Variants in GDNF observed in about 807,000 individuals in gnomAD.
GDNF encodes glial cell line-derived neurotrophic factor.
GDNF carries 5 observed loss-of-function variants against 13.7 expected under a neutral mutation model. That is an observed-to-expected ratio of 0.36 (90% confidence interval 0.19 to 0.77). GDNF has a LOEUF of 0.77. Among genes scored for constraint, GDNF ranks in the 30% least tolerant of loss-of-function variants. The probability of loss-of-function intolerance (pLI) is 0.51; values close to 1 mark genes in which losing one functional copy is unlikely to be tolerated. For missense variants in GDNF, 246 were observed against 274.3 expected, an observed-to-expected ratio of 0.90 and a Z score of 0.73; for synonymous variants, 122 against 112.5, an observed-to-expected ratio of 1.08 and a Z score of -0.53.
Position 37,839,324 on chromosome 5 carries a change from C to T in GDNF, c.-27+183G>A, listed in dbSNP as rs1177134883. Among the ~76,000 whole-genome samples the T allele has an allele frequency of 6.6e-6, 1 of 152,196 alleles. No individual in the cohort carries two copies. Among genetic ancestry groups the T allele is most frequent in the South Asian group, 2.1e-4 (1 of 4,830 alleles). ...CCCCTCCGAAAGGCCGGCCTCTCTC[C>T]GGTTCTACTTTTCTCTCTCCTCGCA... is the stretch of plus-strand genomic sequence containing the variant. On this transcript the variant is annotated intron_variant, in intron 1 of 2. Transcript: ENST00000326524. The surrounding 1 kb of genome is among the most constrained non-coding windows in gnomAD (Gnocchi z 5.5).
rs139417981 is a variant in GDNF, at chr5:37,838,815, A to C, written c.-27+692T>G. On this transcript the variant is annotated intron_variant, in intron 1 of 2. Coordinates refer to ENST00000326524, the MANE Select transcript of GDNF (RefSeq NM_000514.4). The surrounding 1 kb of genome is among the most constrained non-coding windows in gnomAD (Gnocchi z 4.1). ...AAGGGGTCATTAAAATAATAACCTC[A>C]ATGGCCTAGTGGAGTCTCAAGAATA... is the stretch of plus-strand genomic sequence containing the variant. 6.6e-6 allele frequency among the ~76,000 whole-genome samples: 1 copy of C among 152,306 alleles called. No individual in the cohort carries two copies. The highest frequency in any genetic ancestry group is 2.4e-5 in the African/African-American group (1 of 41,574).
chr5:37,817,259 A>G (rs77820199), intron 2 of GDNF, among the ~76,000 whole-genome samples: 126 of 152,362 alleles, frequency 8.3e-4, no homozygotes, highest in African/African-American at 2.9e-3. Flanking sequence ...TCAGCAGAGA[A>G]AAATAACTAA....
intron 2 of GDNF, chr5:37,824,205 G>A (rs1750230436): frequency 5.4e-6 from 1 of 184,412 alleles, no homozygotes; most frequent in Admixed American, 6.5e-5. Context: ...AAATAGAGAT[G>A]GGCCCCATGA....
At chr5:37,826,669 G>A (rs930799935) in intron 2 of GDNF, among the ~76,000 whole-genome samples, 2 of 152,218 alleles carry the variant, frequency 1.3e-5, no homozygotes, top group African/African-American at 4.8e-5. Flanking sequence ...CCCTCTGGGG[G>A]CACAGGAAGA....
At chr5:37,824,682 A>T (rs12521946) in intron 2 of GDNF, among the ~76,000 whole-genome samples, 52,861 of 152,106 alleles carry the variant, frequency 0.35, 9,753 homozygotes, top group Middle Eastern at 0.44. Context: ...ATCTTACATT[A>T]TGTAATGACC....
Position 37,815,520 on chromosome 5 carries a change from C to CTCCTCCTCCTCT in GDNF, c.*130_*131insAGAGGAGGAGGA. 1 of 740,168 alleles carries CTCCTCCTCCTCT rather than the reference C, an allele frequency of 1.4e-6. No homozygotes were observed. The highest frequency in any genetic ancestry group is 2.3e-6 in the Non-Finnish European group (1 of 439,362). 45.9% of individuals were successfully genotyped at this position (740,168 alleles called of 1,614,324 possible). ...CCTCCTCCTCCTCCTCCTCCTCCTCCTCTTCTTCTTCCTCCTCCTCCGCCT... is the reference window on the plus strand; with the variant it reads ...CCTCCTCCTCCTCCTCCTCCTCCTCCTCCTCCTCCTCTTCTTCTTCTTCCTCCTCCTCCGCCT... On this transcript the variant is annotated 3_prime_UTR_variant, in exon 3 of 3. Transcript: ENST00000326524. This position sits in a 1 kb window ranked among gnomAD's most constrained non-coding sequence, Gnocchi z 5.0.
At chr5:37,820,263 C>T (rs2910797) in intron 2 of GDNF, among the ~76,000 whole-genome samples, 48,271 of 152,014 alleles carry the variant, frequency 0.32, 8,280 homozygotes, top group African/African-American at 0.46. Flanking sequence ...AAGTTTAAAT[C>T]ATGCTGGTTT....
intron 2 of GDNF, among the ~76,000 whole-genome samples, chr5:37,820,195 AG>A (rs992676067): frequency 6.6e-6 from 1 of 152,242 alleles, no homozygotes; most frequent in Non-Finnish European, 1.5e-5. Flanking sequence ...ATCAGAAATG[AG>A]GGTAAAACAT....
At chr5:37,827,032 T>C (rs1240311533) in intron 2 of GDNF, among the ~76,000 whole-genome samples, 1 of 152,092 alleles carries the variant, frequency 6.6e-6, no homozygotes, top group Admixed American at 6.5e-5. Flanking sequence ...CATCTAATCA[T>C]GTGGAAATAA....
chr5:37,819,845 A>G (rs1483475500), intron 2 of GDNF, among the ~76,000 whole-genome samples: 1 of 152,180 alleles, frequency 6.6e-6, no homozygotes, highest in African/African-American at 2.4e-5. Context: ...AAACAACAAC[A>G]TTAAATCACT....
intron 2 of GDNF, among the ~76,000 whole-genome samples, chr5:37,828,810 C>G (rs1187006217): frequency 6.6e-6 from 1 of 152,238 alleles, no homozygotes; most frequent in Admixed American, 6.5e-5. Context: ...AGGTCATTAA[C>G]TTTAATATTA....
chr5:37,817,023 C>A (rs766090536), intron 2 of GDNF, among the ~76,000 whole-genome samples: 1 of 152,146 alleles, frequency 6.6e-6, no homozygotes, highest in Non-Finnish European at 1.5e-5. Context: ...AGATGCTGTT[C>A]GTGCATAGAA....
At chr5:37,827,145 C>A (rs1249711711) in intron 2 of GDNF, among the ~76,000 whole-genome samples, 1 of 151,174 alleles carries the variant, frequency 6.6e-6, no homozygotes, top group Non-Finnish European at 1.5e-5. Flanking sequence ...ACTTGGGAAT[C>A]ATTTTAGATT....
intron 2 of GDNF, among the ~76,000 whole-genome samples, chr5:37,831,356 C>T (rs1750516814): frequency 6.6e-6 from 1 of 152,170 alleles, no homozygotes. Flanking sequence ...AGGACAGTGC[C>T]TGGCACAGAC....
At chr5:37,820,548 C>T (rs952177534) in intron 2 of GDNF, among the ~76,000 whole-genome samples, 1 of 152,130 alleles carries the variant, frequency 6.6e-6, no homozygotes, top group African/African-American at 2.4e-5. Context: ...GGATGTATAG[C>T]ACCAAGAGTG....
Position 37,815,211 on chromosome 5 carries a change from C to A in GDNF, c.*440G>T. On this transcript the variant is annotated 3_prime_UTR_variant, in exon 3 of 3. Transcript: ENST00000326524. This position sits in a 1 kb window ranked among gnomAD's most constrained non-coding sequence, Gnocchi z 5.0. ...AAAACGTAATAACAAGGAACAACACCAGGATCTCTGTTTCCCTGGTGTCTT... is the reference window on the plus strand; with the variant it reads ...AAAACGTAATAACAAGGAACAACACAAGGATCTCTGTTTCCCTGGTGTCTT... 4.9e-6 allele frequency: 1 copy of A among 205,618 alleles called. No individual in the cohort carries two copies. Among genetic ancestry groups the A allele is most frequent in the South Asian group, 9.3e-5 (1 of 10,702 alleles). The allele number at this position is 205,618 out of a possible 1,614,324, so 12.7% of individuals were successfully genotyped here.
chr5:37,825,722 G>T (rs1331148759), intron 2 of GDNF, among the ~76,000 whole-genome samples: 1 of 152,174 alleles, frequency 6.6e-6, no homozygotes, highest in Non-Finnish European at 1.5e-5. Context: ...GACCCTGCAG[G>T]ATTCTGCACT....
rs1335376645 is a variant in GDNF, at chr5:37,813,293, G to T, written c.*2358C>A. 5 of 152,212 alleles carry T rather than the reference G, an allele frequency of 3.3e-5. No homozygotes were observed. Among genetic ancestry groups the T allele is most frequent in the African/African-American group, 1.2e-4 (5 of 41,440 alleles). The allele number at this position is 152,212 out of a possible 1,614,324, so 9.4% of individuals were successfully genotyped here. On this transcript the variant is annotated 3_prime_UTR_variant, in exon 3 of 3. Coordinates refer to ENST00000326524, the MANE Select transcript of GDNF (RefSeq NM_000514.4). The stretch of plus-strand genomic sequence containing the variant: ...TTGGGGGAAGGGGATCAGATGTCTG[G>T]TAACTGCTGCTTCTTGTTACTATGA...
In GDNF at chr5:37,814,179, T is replaced by C. The variant is rs1175363680; in HGVS notation, c.*1472A>G. 6.6e-6 allele frequency: 1 copy of C among 152,608 alleles called. No homozygotes were observed. Among genetic ancestry groups the C allele is most frequent in the Non-Finnish European group, 1.5e-5 (1 of 68,070 alleles). 9.5% of individuals were successfully genotyped at this position (152,608 alleles called of 1,614,324 possible). A position where few individuals can be genotyped will look rare whatever the true frequency, so the allele number is the denominator to read the frequency against. On this transcript the variant is annotated 3_prime_UTR_variant, in exon 3 of 3. Coordinates refer to ENST00000326524, the MANE Select transcript of GDNF (RefSeq NM_000514.4). ...GTAGAACGGCAGCTACCTGACAGCA[T>C]TGTCGACATTACTTTTAGGTCAGCA... is the stretch of plus-strand genomic sequence containing the variant.
Sources: allele counts gnomAD v4.1 joint callset (sites outside exome capture counted in the v4.1 genomes callset), GRCh38; gene constraint gnomAD v4.1.1; non-coding constraint Gnocchi (gnomAD v3.1); transcripts MANE v1.5; gene names NCBI Gene and HGNC (gene_info 2026-07-23, HGNC 2026-07-21).